Variants in ZNF83 observed in about 807,000 individuals in gnomAD.
ZNF83 encodes the protein zinc finger protein 816B.
For missense variants in ZNF83, 552 were observed against 629.9 expected (o/e 0.88, Z 1.32); for synonymous variants, 209 against 213.0 (o/e 0.98, Z 0.17).
intron 1 of ZNF83, chr19:52,636,601 G>A (rs1209308768): frequency 2.0e-5 from 3 of 152,046 alleles, no homozygotes. Context: ...GAAGTCAAAT[G>A]TCACAACTAA....
chr19:52,656,793 G>C (rs1444417504), intron 2 of ZNF83, among the ~76,000 whole-genome samples: 1 of 151,656 alleles, frequency 6.6e-6, no homozygotes, highest in Non-Finnish European at 1.5e-5. Flanking sequence ...TTGAACTCGG[G>C]AGGCTGAGGT....
At chr19:52,613,725 CTGA>C (rs759879731) in exon 3 of ZNF83, 2 of 1,362,316 alleles carry the variant, frequency 1.5e-6, no homozygotes, top group Non-Finnish European at 9.5e-7. Flanking sequence ...TGTGGATTCT[CTGA>C]TGTTGTGCAA....
chr19:52,686,955 G>A (rs75322376), intron 1 of ZNF83, among the ~76,000 whole-genome samples: 8,016 of 151,946 alleles, frequency 0.053, 687 homozygotes, highest in African/African-American at 0.18. Context: ...ATCGAGGTGA[G>A]CAGATCACCT....
intron 1 of ZNF83, among the ~76,000 whole-genome samples, chr19:52,689,573 G>C (rs140783494): frequency 0.029 from 4,350 of 148,682 alleles, 92 homozygotes; most frequent in African/African-American, 0.062. Flanking sequence ...TGTCCTTCAT[G>C]TCTCTGTACA....
At chr19:52,614,873 T>C (rs1442808091) in intron 2 of ZNF83, 76 bp from the exon 3 acceptor site, 3 of 1,170,616 alleles carry the variant, frequency 2.6e-6, no homozygotes, top group Admixed American at 3.9e-5. Flanking sequence ...AAATGTGTAA[T>C]AGTACACTAA....
intron 1 of ZNF83, among the ~76,000 whole-genome samples, chr19:52,687,480 ATAAAT>A: frequency 1.5e-5 from 1 of 66,522 alleles, no homozygotes; most frequent in Non-Finnish European, 2.9e-5. Context: ...ATATATCTAT[ATAAAT>A]TATAATTTAT....
chr19:52,619,005 G>A, intron 2 of ZNF83: 1 of 1,596,546 alleles, frequency 6.3e-7, no homozygotes, highest in Non-Finnish European at 8.6e-7. Flanking sequence ...GCAGGGTCCA[G>A]GCATTTCCAC....
intron 1 of ZNF83, among the ~76,000 whole-genome samples, chr19:52,664,220 G>A (rs923981442): frequency 2.6e-5 from 4 of 150,976 alleles, no homozygotes; most frequent in African/African-American, 7.3e-5. Flanking sequence ...AACAAGCTGG[G>A]TGTGGTGGCT....
chr19:52,635,821 T>A (rs11878254), intron 1 of ZNF83: 1 of 151,412 alleles, frequency 6.6e-6, no homozygotes, highest in Non-Finnish European at 1.5e-5. Flanking sequence ...ATGGTGAAAC[T>A]CCATCTCTAC....
intron 1 of ZNF83, among the ~76,000 whole-genome samples, chr19:52,682,661 C>A (rs1457258086): frequency 6.6e-6 from 1 of 150,938 alleles, no homozygotes; most frequent in Non-Finnish European, 1.5e-5. Context: ...AAGCGAGACT[C>A]CATCTCAAAA....
At chr19:52,666,426 A>G (rs1032260795) in intron 1 of ZNF83, among the ~76,000 whole-genome samples, 9 of 152,246 alleles carry the variant, frequency 5.9e-5, no homozygotes, top group Admixed American at 4.6e-4. Context: ...ACAATGGCAT[A>G]TCCTGAAAGC....
Position 52,683,233 on chromosome 19 carries a change from T to TGG in ZNF83, c.-283+7209_-283+7210insCC, listed in dbSNP as rs1264446173. The stretch of plus-strand genomic sequence containing the variant: ...TCCTCAGCTGCCCTGTGACTCTGTG[T>TGG]GTGTGTGTGTGTGTGTGTGTGTGTG... On this transcript the variant is annotated intron_variant, in intron 1 of 5. Coordinates refer to the ZNF83 transcript ENST00000594682. 2.8e-4 allele frequency among the ~76,000 whole-genome samples: 4 copies of TGG among 14,276 alleles called. No homozygotes were observed. In the East Asian group the frequency reaches 4.2e-3, roughly 15 times the overall value. The allele number at this position is 14,276 out of a possible 152,430, so 9.4% of individuals were successfully genotyped here.
rs201574887 is a variant in ZNF83, at chr19:52,618,972, C to T, written c.-233-4175G>A. 1.9e-4 allele frequency: 287 copies of T among 1,532,720 alleles called. 19 individuals are homozygous for T. The African/African-American group carries it at 2.9e-3, about 16-fold the overall frequency. The allele number at this position is 1,532,720 out of a possible 1,614,324, so 94.9% of individuals were successfully genotyped here. On this transcript the variant is annotated intron_variant, in intron 2 of 2. Transcript: ENST00000301096. ...AGGTTCCTATAATTCTCCAACATCA[C>T]ATCTCTGTATAGAGTCCTCTGAGCA...
chr19:52,638,674 T>C (rs542114013), upstream of ZNF83, among the ~76,000 whole-genome samples: 1 of 152,350 alleles, frequency 6.6e-6, no homozygotes, highest in South Asian at 2.1e-4. Context: ...TTCATGCTGA[T>C]AGCCCACAGA....
At chr19:52,669,987 G>A (rs928073089) in intron 1 of ZNF83, among the ~76,000 whole-genome samples, 1 of 152,220 alleles carries the variant, frequency 6.6e-6, no homozygotes, top group African/African-American at 2.4e-5. Context: ...TTAGATATGA[G>A]TTCTAAATTT....
rs756375380 is a variant in ZNF83 at position 52,613,769 on chromosome 19, A to G, written c.796T>C (p.Cys266Arg). ...GAAATATGATGGAAGACCTTTCCAC[A>G]TACATTACATCTGTAAGGTTTCTCT... Residue 266 changes from cysteine (C) to arginine (R), a missense_variant, in exon 3 of 3, where the codon TGT becomes CGT. Coordinates refer to ENST00000301096, the Ensembl canonical transcript of ZNF83. The G allele has an allele frequency of 5.0e-6, 8 of 1,609,242 alleles. No homozygotes were observed. The South Asian group carries it at 8.8e-5, about 18-fold the overall frequency.
intron 1 of ZNF83, among the ~76,000 whole-genome samples, chr19:52,666,263 GAGTC>G (rs983358002): frequency 3.3e-5 from 5 of 151,846 alleles, no homozygotes; most frequent in Non-Finnish European, 5.9e-5. Context: ...AAGAGACAGA[GAGTC>G]AGAAAAGAGA....
intron 1 of ZNF83, among the ~76,000 whole-genome samples, chr19:52,684,867 A>G (rs1329786049): frequency 6.6e-6 from 1 of 152,206 alleles, no homozygotes; most frequent in Non-Finnish European, 1.5e-5. Context: ...GGACACTGGC[A>G]GGGGCCCTGG....
rs377746175 is a variant in ZNF83 at position 52,621,642 on chromosome 19, C to T, written c.-233-6845G>A. ...TCTAAACTTACGTTTTTACTATGGG[C>T]AACCATCCACCCTCCATTCCTCCTA... is the stretch of plus-strand genomic sequence containing the variant. On this transcript the variant is annotated intron_variant, in intron 2 of 2. Coordinates refer to ENST00000301096, the Ensembl canonical transcript of ZNF83. Among the ~76,000 whole-genome samples the T allele has an allele frequency of 1.1e-4, 17 of 152,302 alleles. No homozygotes were observed. In the East Asian group the frequency reaches 1.9e-3, roughly 17 times the overall value.
Sources: allele counts gnomAD v4.1 joint callset (sites outside exome capture counted in the v4.1 genomes callset), GRCh38; gene constraint gnomAD v4.1.1; transcripts MANE v1.5; gene names NCBI Gene and HGNC (gene_info 2026-07-23, HGNC 2026-07-21).